Variants in CNTN1 observed in about 807,000 individuals in gnomAD.
CNTN1 encodes contactin 1.
Under a neutral mutation model 126.4 loss-of-function variants are expected in CNTN1, and 38 were observed. The ratio of observed to expected loss-of-function variants is 0.30; its 90% CI spans 0.23 to 0.39. CNTN1 has a LOEUF of 0.39. Ranked by LOEUF, CNTN1 falls within the 10% of genes least tolerant of loss-of-function variation. CNTN1 has a pLI of 1.00. For synonymous variants in CNTN1, 413 were observed against 422.6 expected (o/e 0.98, Z 0.28); for missense variants, 1,009 against 1,248.4 (o/e 0.81, Z 2.89).
At chr12:40,798,951 A>G (rs1220940416) in intron 1 of CNTN1, among the ~76,000 whole-genome samples, 1 of 150,974 alleles carries the variant, frequency 6.6e-6, no homozygotes, top group African/African-American at 2.4e-5. Context: ...GCAGAATACA[A>G]TATAAGCATA....
At chr12:40,803,338 T>TG (rs2136488088) in intron 1 of CNTN1, among the ~76,000 whole-genome samples, 1 of 152,126 alleles carries the variant, frequency 6.6e-6, no homozygotes, top group African/African-American at 2.4e-5. Flanking sequence ...TGCCCGTTTG[T>TG]GGGGAGGCAT....
chr12:40,975,181 TATATATATATA>T (rs1566074026), intron 15 of CNTN1, among the ~76,000 whole-genome samples: 15,436 of 126,548 alleles, frequency 0.12, 1,163 homozygotes, highest in Non-Finnish European at 0.16. Context: ...AAATGGATTA[TATATATATATA>T]TATATATATA....
intron 1 of CNTN1, among the ~76,000 whole-genome samples, chr12:40,758,575 C>T (rs1335765647): frequency 1.3e-5 from 2 of 152,032 alleles, no homozygotes; most frequent in African/African-American, 4.8e-5. Flanking sequence ...TCCCAGCAAA[C>T]TGTGTAATCT....
At chr12:40,899,619 A>G (rs1482447532) in intron 1 of CNTN1, among the ~76,000 whole-genome samples, 3 of 152,160 alleles carry the variant, frequency 2.0e-5, no homozygotes, top group African/African-American at 4.8e-5. Flanking sequence ...GCACATAGAT[A>G]CCTATACATT....
intron 1 of CNTN1, among the ~76,000 whole-genome samples, chr12:40,866,672 AT>A: frequency 6.6e-6 from 1 of 152,242 alleles, no homozygotes; most frequent in Non-Finnish European, 1.5e-5. Context: ...CTTGGCTATG[AT>A]GTATAATCCT....
chr12:40,770,183 C>T lies in CNTN1; in HGVS notation c.-77+77591C>T, dbSNP rs568092458. ...ACTTTTTTTAGCGCCTCAGAGTATG[C>T]CACTGTTACCTGGAAAGAGGGGGTT... is the stretch of plus-strand genomic sequence containing the variant. On this transcript the variant is annotated intron_variant, in intron 1 of 23. Coordinates refer to ENST00000551295, the MANE Select transcript of CNTN1 (RefSeq NM_001843.4). Among the ~76,000 whole-genome samples the T allele has an allele frequency of 1.2e-4, 18 of 152,182 alleles. 1 individual carries two copies. Among genetic ancestry groups the T allele is most frequent in the African/African-American group, 4.1e-4 (17 of 41,544 alleles).
chr12:41,071,831 T>C lies in CNTN1; in HGVS notation c.*1796T>C, dbSNP rs192554240. 1 of 152,326 alleles carries C rather than the reference T, an allele frequency of 6.6e-6. No homozygotes were observed. Among genetic ancestry groups the C allele is most frequent in the East Asian group, 1.9e-4 (1 of 5,186 alleles). The allele number at this position is 152,326 out of a possible 1,614,324, so 9.4% of individuals were successfully genotyped here. Reference sequence around the variant, plus strand: ...ACCCTGTATACCTTCTGTACAAATGTTTGTGTTTTCATTGTTACACTTTGG... The same window carrying C: ...ACCCTGTATACCTTCTGTACAAATGCTTGTGTTTTCATTGTTACACTTTGG... On this transcript the variant is annotated 3_prime_UTR_variant, in exon 24 of 24. Transcript: ENST00000551295.
Position 40,859,207 on chromosome 12 carries a change from A to G in CNTN1, c.-76-49150A>G, listed in dbSNP as rs563685355. On this transcript the variant is annotated intron_variant, in intron 1 of 23. Transcript: ENST00000551295. ...AAAGGGGATGAAAAGGTTAAAGAAT[A>G]TGGAGAATAGACCCATAAGTAGGTA... Among the ~76,000 whole-genome samples the G allele has an allele frequency of 5.8e-4, 88 of 152,208 alleles. 1 individual carries two copies. Among genetic ancestry groups the G allele is most frequent in the South Asian group, 1.7e-3 (8 of 4,818 alleles).
In CNTN1 at chr12:40,969,176, G is replaced by A. The variant is rs530156035; in HGVS notation, c.1804+9942G>A. Among the ~76,000 whole-genome samples the A allele has an allele frequency of 1.2e-4, 19 of 152,148 alleles. No homozygotes were observed. In the South Asian group the frequency reaches 3.9e-3, roughly 32 times the overall value. On this transcript the variant is annotated intron_variant, in intron 15 of 23. Coordinates refer to ENST00000551295, the MANE Select transcript of CNTN1 (RefSeq NM_001843.4). ...TGTGCAGTCTGCCATTTCCAGTCTC[G>A]TGACTATGCAGTGCTTTCTTGAGGG...
chr12:40,811,856 A>G (rs1941078523), intron 1 of CNTN1, among the ~76,000 whole-genome samples: 1 of 147,334 alleles, frequency 6.8e-6, no homozygotes, highest in African/African-American at 2.5e-5. Context: ...AGTGTCATTG[A>G]CATTTTCTAT....
chr12:40,969,363 A>G (rs1947417569), intron 15 of CNTN1, among the ~76,000 whole-genome samples: 1 of 152,160 alleles, frequency 6.6e-6, no homozygotes, highest in Non-Finnish European at 1.5e-5. Context: ...TTGAATTCCT[A>G]CAATAGCTTC....
At position 40,965,077 on chromosome 12, in the gene CNTN1, G is replaced by A. The variant is rs566336799; in HGVS notation, c.1804+5843G>A. On this transcript the variant is annotated intron_variant, in intron 15 of 23. Transcript: ENST00000551295. ...CATTTTCTTTCTCTAAGATAAAAGT[G>A]TTCTAATGGTCCTATTATTGGCAAA... Among the ~76,000 whole-genome samples the A allele has an allele frequency of 3.9e-5, 6 of 152,216 alleles. No homozygotes were observed. In the South Asian group the frequency reaches 1.2e-3, roughly 32 times the overall value.
At chr12:40,824,044 G>T (rs942345545) in intron 1 of CNTN1, among the ~76,000 whole-genome samples, 1 of 151,992 alleles carries the variant, frequency 6.6e-6, no homozygotes, top group Non-Finnish European at 1.5e-5. Context: ...ATGGCATCCA[G>T]TCTATCATTC....
At chr12:40,706,117 T>C (rs1015003648) in intron 1 of CNTN1, among the ~76,000 whole-genome samples, 3 of 151,406 alleles carry the variant, frequency 2.0e-5, no homozygotes, top group African/African-American at 7.3e-5. Flanking sequence ...TATATAGATA[T>C]ATAGATATTT....
At chr12:40,955,546 C>G (rs1242848092) in intron 14 of CNTN1, among the ~76,000 whole-genome samples, 1 of 151,828 alleles carries the variant, frequency 6.6e-6, no homozygotes, top group Non-Finnish European at 1.5e-5. Context: ...ATTATCTTAC[C>G]TGAAAAAACC....
chr12:40,716,812 C>A (rs1175825882), intron 1 of CNTN1, among the ~76,000 whole-genome samples: 2 of 152,170 alleles, frequency 1.3e-5, no homozygotes, highest in African/African-American at 4.8e-5. Flanking sequence ...ACCAGAAATT[C>A]TTTCTTCTCT....
chr12:40,914,177 G>A (rs189548313), intron 3 of CNTN1, among the ~76,000 whole-genome samples: 3 of 152,130 alleles, frequency 2.0e-5, no homozygotes, highest in African/African-American at 7.2e-5. Context: ...TGTTTCCATG[G>A]CTGTAGAAAA....
chr12:40,975,605 A>C (rs2137056057), intron 15 of CNTN1, among the ~76,000 whole-genome samples: 1 of 152,238 alleles, frequency 6.6e-6, no homozygotes, highest in Non-Finnish European at 1.5e-5. Context: ...GCATTCTCTA[A>C]GAGGAATTTT....
chr12:41,055,687 G>A (rs1949788075), intron 23 of CNTN1, among the ~76,000 whole-genome samples: 1 of 152,088 alleles, frequency 6.6e-6, no homozygotes, highest in Admixed American at 6.6e-5. Context: ...AAACTGAGAA[G>A]CAATCCTAAA....
Sources: gnomAD v4.1 joint callset for allele counts (sites outside exome capture counted in the v4.1 genomes callset) on GRCh38, gnomAD v4.1.1 for gene constraint, MANE v1.5 for transcripts, NCBI Gene and HGNC (gene_info 2026-07-23, HGNC 2026-07-21) for gene names.